TBL1XR1: variants seen among roughly 807,000 people sequenced by gnomAD.
The protein encoded by TBL1XR1 is TBL1X/Y related 1.
In TBL1XR1, 5 loss-of-function variants were observed where a neutral mutation model predicts 66.9. The observed-to-expected ratio is 0.07, with a 90% CI of 0.04 to 0.16. TBL1XR1 has a LOEUF of 0.16. Among genes scored for constraint, TBL1XR1 ranks in the 10% least tolerant of loss-of-function variants. The pLI, the probability that TBL1XR1 is intolerant of heterozygous loss-of-function variation, is 1.00. For missense variants in TBL1XR1, 238 were observed against 623.2 expected, an observed-to-expected ratio of 0.38 and a Z score of 6.58; for synonymous variants, 210 against 206.0, an observed-to-expected ratio of 1.02 and a Z score of -0.17.
chr3:177,105,414 G>A (rs532406260), intron 1 of TBL1XR1, among the ~76,000 whole-genome samples: 3 of 151,952 alleles, frequency 2.0e-5, no homozygotes, highest in Non-Finnish European at 4.4e-5. Flanking sequence ...AATATGAAGG[G>A]GGGATATCAA....
chr3:177,109,785 G>T (rs1186495990), intron 1 of TBL1XR1, among the ~76,000 whole-genome samples: 2 of 152,084 alleles, frequency 1.3e-5, no homozygotes, highest in Non-Finnish European at 2.9e-5. Context: ...GAAGAGAGGT[G>T]AAAGAGGAAC....
intron 1 of TBL1XR1, among the ~76,000 whole-genome samples, chr3:177,192,019 G>A (rs1736203878): frequency 6.6e-6 from 1 of 151,466 alleles, no homozygotes. Context: ...CTTGAACCCG[G>A]GAGGCAGAGG....
intron 3 of TBL1XR1, among the ~76,000 whole-genome samples, chr3:177,055,039 T>C (rs1197858019): frequency 2.0e-5 from 3 of 152,186 alleles, no homozygotes; most frequent in African/African-American, 7.2e-5. Flanking sequence ...TTCAATTAAA[T>C]TGTACAAGTA....
rs1712782990 is a variant in TBL1XR1 at position 177,024,342 on chromosome 3, T to C, written c.*1156A>G. The stretch of plus-strand genomic sequence containing the variant: ...ATGGCAGTGTTATATGCCGTTATCT[T>C]GCTTTGTATAAAGAAAACAACATGA... On this transcript the variant is annotated 3_prime_UTR_variant, in exon 16 of 16. Coordinates refer to ENST00000457928, the MANE Select transcript of TBL1XR1 (RefSeq NM_024665.7). 2 of 152,556 alleles carry C rather than the reference T, an allele frequency of 1.3e-5. No individual in the cohort carries two copies. Among genetic ancestry groups the C allele is most frequent in the African/African-American group, 2.4e-5 (1 of 41,414 alleles). The allele number at this position is 152,556 out of a possible 1,614,324, so 9.5% of individuals were successfully genotyped here.
At chr3:177,167,792 G>A (rs919002308) in intron 1 of TBL1XR1, among the ~76,000 whole-genome samples, 52 of 152,210 alleles carry the variant, frequency 3.4e-4, no homozygotes, top group Middle Eastern at 3.4e-3. Context: ...TTAGCCAGGC[G>A]TAGTGGTATA....
intron 1 of TBL1XR1, among the ~76,000 whole-genome samples, chr3:177,170,577 G>A (rs181331367): frequency 8.5e-5 from 13 of 152,166 alleles, no homozygotes; most frequent in Admixed American, 3.3e-4. Flanking sequence ...TGATAGAATC[G>A]GGTGGGGAGA....
In TBL1XR1 at chr3:177,019,735, T is replaced by A. The variant is rs894037795; in HGVS notation, c.*5763A>T. 6.6e-6 allele frequency: 1 copy of A among 152,194 alleles called. No individual in the cohort carries two copies. Among genetic ancestry groups the A allele is most frequent in the Non-Finnish European group, 1.5e-5 (1 of 68,030 alleles). The allele number at this position is 152,194 out of a possible 1,614,324, so 9.4% of individuals were successfully genotyped here. ...TCCCTTCTATTACTGTTCAAATTAG[T>A]TTCAGCTTTCCCTCAAGCTTATAAG... On this transcript the variant is annotated 3_prime_UTR_variant, in exon 16 of 16. Coordinates refer to ENST00000457928, the MANE Select transcript of TBL1XR1 (RefSeq NM_024665.7).
intron 1 of TBL1XR1, among the ~76,000 whole-genome samples, chr3:177,142,712 A>C (rs999590458): frequency 2.6e-5 from 4 of 152,238 alleles, no homozygotes; most frequent in Non-Finnish European, 4.4e-5. Context: ...TGAAATAAAA[A>C]TTTAAAATAA....
chr3:177,056,616 C>T (rs1717833120), intron 3 of TBL1XR1, among the ~76,000 whole-genome samples: 1 of 152,170 alleles, frequency 6.6e-6, no homozygotes, highest in African/African-American at 2.4e-5. Context: ...TTATTTCTAG[C>T]CATGGCATTA....
intron 1 of TBL1XR1, among the ~76,000 whole-genome samples, chr3:177,147,058 T>G (rs1261133033): frequency 1.3e-5 from 2 of 152,002 alleles, no homozygotes; most frequent in East Asian, 3.9e-4. Context: ...TTTTTTTTTT[T>G]TTTTAAGAGA....
At position 177,024,713 on chromosome 3, in the gene TBL1XR1, G is replaced by GAAAAAAAAAAA. The variant is rs148659524; in HGVS notation, c.*774_*784dup. 1.2e-5 allele frequency: 1 copy of GAAAAAAAAAAA among 85,366 alleles called. No homozygotes were observed. The allele number at this position is 85,366 out of a possible 1,614,324, so 5.3% of individuals were successfully genotyped here. On this transcript the variant is annotated 3_prime_UTR_variant, in exon 16 of 16. Transcript: ENST00000457928. The stretch of plus-strand genomic sequence containing the variant: ...AGCCACATCACCAAAAAACAAAAAA[G>GAAAAAAAAAAA]AAAAAAAAAAAAAAAAAGCAAAACA...
At chr3:177,136,727 T>TC (rs1729040313) in intron 1 of TBL1XR1, among the ~76,000 whole-genome samples, 2 of 152,200 alleles carry the variant, frequency 1.3e-5, no homozygotes, top group African/African-American at 4.8e-5. Context: ...ACCATATTTC[T>TC]CCCCTGCTGA....
At chr3:177,083,653 C>T (rs1402038146) in intron 2 of TBL1XR1, among the ~76,000 whole-genome samples, 1 of 152,112 alleles carries the variant, frequency 6.6e-6, no homozygotes. Flanking sequence ...ATAGCTACCA[C>T]CTACAATTTA....
chr3:177,194,304 T>G (rs1313543234), intron 1 of TBL1XR1, among the ~76,000 whole-genome samples: 2 of 152,224 alleles, frequency 1.3e-5, no homozygotes, highest in African/African-American at 2.4e-5. Context: ...TTTCCTTTTT[T>G]GCATTTCAGT....
rs1364546314 is a variant in TBL1XR1, at chr3:177,022,602, T to TCTTA, written c.*2892_*2895dup. Reference sequence around the variant, plus strand: ...TTTCTATTTTTCCTTATGATAAGTTTCTTACAGTAGCTTATACAACAACAA... The same window carrying TCTTA: ...TTTCTATTTTTCCTTATGATAAGTTTCTTACTTACAGTAGCTTATACAACAACAA... On this transcript the variant is annotated 3_prime_UTR_variant, in exon 16 of 16. Transcript: ENST00000457928. 6.6e-6 allele frequency: 1 copy of TCTTA among 152,548 alleles called. No individual in the cohort carries two copies. Among genetic ancestry groups the TCTTA allele is most frequent in the Non-Finnish European group, 1.5e-5 (1 of 67,964 alleles). The allele number at this position is 152,548 out of a possible 1,614,324, so 9.4% of individuals were successfully genotyped here.
At chr3:177,136,228 A>T (rs1045412921) in intron 1 of TBL1XR1, 1 of 152,198 alleles carries the variant, frequency 6.6e-6, no homozygotes, top group Non-Finnish European at 1.5e-5. Flanking sequence ...TGTGAATCAC[A>T]GTCCAAAAGT....
At chr3:177,108,045 C>T (rs1222208203) in intron 1 of TBL1XR1, among the ~76,000 whole-genome samples, 1 of 151,332 alleles carries the variant, frequency 6.6e-6, no homozygotes, top group African/African-American at 2.4e-5. Flanking sequence ...AGATAACACA[C>T]CAGATATGGT....
chr3:177,191,451 CT>C lies in TBL1XR1; in HGVS notation c.-122+5669del, dbSNP rs1736128129. ...GCCTAAATTCCTGCTCTGTCCCCTACTACCTGAGCCTCAATTTTCTCACTGT... is the reference window on the plus strand; with the variant it reads ...GCCTAAATTCCTGCTCTGTCCCCTACACCTGAGCCTCAATTTTCTCACTGT... On this transcript the variant is annotated intron_variant, in intron 1 of 15. Transcript: ENST00000457928. 2.0e-5 allele frequency among the ~76,000 whole-genome samples: 3 copies of C among 152,246 alleles called. No individual in the cohort carries two copies. The South Asian group carries it at 6.2e-4, about 31-fold the overall frequency.
chr3:177,053,753 T>G lies in TBL1XR1; in HGVS notation c.204+20A>C, dbSNP rs377008567. 38 of 1,604,712 alleles carry G rather than the reference T, an allele frequency of 2.4e-5. No homozygotes were observed. In the African/African-American group the frequency reaches 3.7e-4, roughly 16 times the overall value. On this transcript the variant is annotated intron_variant, in intron 4 of 15. Coordinates refer to ENST00000457928, the MANE Select transcript of TBL1XR1 (RefSeq NM_024665.7). ...TATTTAAGATGAAAAAAATCAGTAT[T>G]TGAAATAAGTCTTCCTTACCTCATT...
Sources: gnomAD v4.1 joint callset for allele counts (sites outside exome capture counted in the v4.1 genomes callset) on GRCh38, gnomAD v4.1.1 for gene constraint, MANE v1.5 for transcripts, NCBI Gene and HGNC (gene_info 2026-07-23, HGNC 2026-07-21) for gene names.